PDIA3: variants seen among roughly 807,000 people sequenced by gnomAD.
PDIA3 encodes protein disulfide isomerase family A member 3, also known as protein disulfide-isomerase A3.
In PDIA3, 16 loss-of-function variants were observed where a neutral mutation model predicts 56.9. The ratio of observed to expected loss-of-function variants is 0.28; its 90% CI spans 0.19 to 0.43. The LOEUF (loss-of-function observed/expected upper bound fraction) is 0.43. Among genes scored for constraint, PDIA3 ranks in the 20% least tolerant of loss-of-function variants. The pLI is 1.00. For missense variants in PDIA3, 485 were observed against 621.3 expected, an observed-to-expected ratio of 0.78 and a Z score of 2.33; for synonymous variants, 192 against 216.5, an observed-to-expected ratio of 0.89 and a Z score of 0.99.
chr15:43,766,138 A>G, intron 7 of PDIA3, 126 bp downstream of exon 7: 1 of 596,938 alleles, frequency 1.7e-6, no homozygotes, highest in Non-Finnish European at 2.6e-6. Flanking sequence ...AAGAGGTAAA[A>G]AAAAAAAAAA....
chr15:43,759,220 G>A lies in PDIA3; in HGVS notation c.365-2204G>A, dbSNP rs141320709. On this transcript the variant is annotated intron_variant, in intron 3 of 12. Coordinates refer to ENST00000300289, the MANE Select transcript of PDIA3 (RefSeq NM_005313.5). ...CAGGAGAATGGCGTGAACCCTGGAG[G>A]CGGAGCTTGCAGTAAGCGGAGATAG... Among the ~76,000 whole-genome samples, 56 of 152,278 alleles carry A rather than the reference G, an allele frequency of 3.7e-4. No homozygotes were observed. In the East Asian group the frequency reaches 0.01, roughly 28 times the overall value.
Position 43,771,878 on chromosome 15 carries a change from A to G in PDIA3, c.*660A>G. The G allele has an allele frequency of 2.8e-6, 1 of 357,232 alleles. No individual in the cohort carries two copies. Among genetic ancestry groups the G allele is most frequent in the Non-Finnish European group, 5.0e-6 (1 of 199,888 alleles). 22.1% of individuals were successfully genotyped at this position (357,232 alleles called of 1,614,324 possible). A position where few individuals can be genotyped will look rare whatever the true frequency, so the allele number is the denominator to read the frequency against. On this transcript the variant is annotated 3_prime_UTR_variant, in exon 13 of 13. Coordinates refer to ENST00000300289, the MANE Select transcript of PDIA3 (RefSeq NM_005313.5). ...GAACAGCTGAAGGGCCTTTCTTGTT[A>G]GGCTGTCCATGCCCTAAGGATGGGT... is the stretch of plus-strand genomic sequence containing the variant.
intron 3 of PDIA3, among the ~76,000 whole-genome samples, chr15:43,757,573 A>T (rs2086786834): frequency 6.8e-6 from 1 of 147,402 alleles, no homozygotes; most frequent in Non-Finnish European, 1.5e-5. Context: ...AAAAAAAAAA[A>T]GTGTGGGCCA....
At chr15:43,754,757 G>C (rs973211488) in intron 2 of PDIA3, among the ~76,000 whole-genome samples, 1 of 151,524 alleles carries the variant, frequency 6.6e-6, no homozygotes, top group African/African-American at 2.4e-5. Flanking sequence ...GGGAGGCCAA[G>C]GCAAGTAGAT....
intron 9 of PDIA3, 26 bp from the exon 10 acceptor site, chr15:43,769,492 A>G (rs1393032171): frequency 5.0e-6 from 8 of 1,608,386 alleles, no homozygotes; most frequent in Admixed American, 3.3e-5. Flanking sequence ...TATGTTACCA[A>G]CTAGAGATTC....
chr15:43,746,748 G>A, intron 1 of PDIA3, 42 bp downstream of exon 1: 2 of 1,605,492 alleles, frequency 1.2e-6, no homozygotes, highest in Non-Finnish European at 1.7e-6. Context: ...AGGCGGGGCT[G>A]GGCCGGGGGC....
chr15:43,755,061 C>T (rs1176550895), intron 2 of PDIA3, among the ~76,000 whole-genome samples: 1 of 152,134 alleles, frequency 6.6e-6, no homozygotes. Context: ...CACGGTGGCT[C>T]ACGCCTGTAA....
At chr15:43,764,402 T>A (rs2086835555) in intron 5 of PDIA3, among the ~76,000 whole-genome samples, 1 of 151,916 alleles carries the variant, frequency 6.6e-6, no homozygotes, top group Non-Finnish European at 1.5e-5. Flanking sequence ...AAGGGGTGAG[T>A]ATAAAAAAAT....
intron 1 of PDIA3, among the ~76,000 whole-genome samples, chr15:43,747,270 T>C (rs1276408075): frequency 6.6e-6 from 1 of 152,170 alleles, no homozygotes; most frequent in African/African-American, 2.4e-5. Flanking sequence ...CTTCAGCTGA[T>C]CACTTACATC....
intron 1 of PDIA3, chr15:43,751,526 G>A: frequency 9.0e-7 from 1 of 1,108,638 alleles, no homozygotes; most frequent in Non-Finnish European, 1.2e-6. Context: ...AAGAAGTAGT[G>A]GTTAATCTTG....
chr15:43,759,583 A>C (rs1408988763), intron 3 of PDIA3, among the ~76,000 whole-genome samples: 1 of 152,164 alleles, frequency 6.6e-6, no homozygotes, highest in Non-Finnish European at 1.5e-5. Flanking sequence ...ATAGTTGTAC[A>C]CCTATATCCA....
Position 43,756,739 on chromosome 15 carries a change from G to T in PDIA3, c.337G>T (p.Gly113Cys). Residue 113 changes from glycine to cysteine, a missense_variant, in exon 3 of 13, where the codon GGT becomes TGT. Physicochemically the swap from Gly to Cys is radical, Grantham distance 159. Transcript: ENST00000300289. ...LKIFRDGEEA[G>C]AYDGPRTADG... ...GATATTTAGAGATGGTGAAGAAGCA[G>T]GTGCTTATGATGGACCTAGGACTGC... 1 of 1,603,732 alleles carries T rather than the reference G, an allele frequency of 6.2e-7. No homozygotes were observed. The highest frequency in any genetic ancestry group is 1.1e-5 in the South Asian group (1 of 90,810).
At chr15:43,761,331 T>A in intron 3 of PDIA3, 93 bp from the exon 4 acceptor site, 2 of 671,968 alleles carry the variant, frequency 3.0e-6, no homozygotes, top group Non-Finnish European at 5.3e-6. Context: ...TCTTATACCC[T>A]TTTGTACCTT....
intron 9 of PDIA3, 35 bp downstream of exon 9, chr15:43,768,632 A>G (rs765490343): frequency 1.5e-6 from 2 of 1,319,552 alleles, no homozygotes; most frequent in Admixed American, 1.7e-5. Flanking sequence ...GCTATGAGCA[A>G]TTGCCTGTCC....
rs1758883802 is a variant in PDIA3 at position 43,772,914 on chromosome 15, T to G, written c.*1696T>G. On this transcript the variant is annotated 3_prime_UTR_variant, in exon 13 of 13. Transcript: ENST00000300289. ...CTTTTCCTAGACTCCTAGGCACAGC[T>G]ATGGAGTCTTTGCACAGTGCCCATA... 2.1e-6 allele frequency: 1 copy of G among 473,818 alleles called. No individual in the cohort carries two copies. The highest frequency in any genetic ancestry group is 2.0e-5 in the African/African-American group (1 of 50,052). The allele number at this position is 473,818 out of a possible 1,614,324, so 29.4% of individuals were successfully genotyped here.
chr15:43,769,024 C>CAA (rs539611070), intron 9 of PDIA3, among the ~76,000 whole-genome samples: 2 of 130,952 alleles, frequency 1.5e-5, no homozygotes, highest in Admixed American at 7.8e-5. Flanking sequence ...AACTCCATCT[C>CAA]AAAAAAAAAA....
At chr15:43,768,464 C>G (rs765761305) in intron 8 of PDIA3, 25 bp from the exon 9 acceptor site, 4 of 1,515,188 alleles carry the variant, frequency 2.6e-6, no homozygotes, top group South Asian at 2.2e-5. Context: ...GATTAACAAG[C>G]CTTACCCTTG....
At chr15:43,750,151 C>T (rs1291620647) in intron 1 of PDIA3, among the ~76,000 whole-genome samples, 1 of 148,414 alleles carries the variant, frequency 6.7e-6, no homozygotes, top group African/African-American at 2.5e-5. Flanking sequence ...TCTGCAACCT[C>T]CGCCTCCCCT....
At chr15:43,754,297 G>A (rs1167879878) in intron 2 of PDIA3, among the ~76,000 whole-genome samples, 3 of 151,278 alleles carry the variant, frequency 2.0e-5, no homozygotes, top group African/African-American at 7.3e-5. Flanking sequence ...AGGAGACTGA[G>A]GCAGGAGAAT....
Sources: gnomAD v4.1 joint callset for allele counts (sites outside exome capture counted in the v4.1 genomes callset) on GRCh38, gnomAD v4.1.1 for gene constraint, MANE v1.5 for transcripts, NCBI Gene and HGNC (gene_info 2026-07-23, HGNC 2026-07-21) for gene names.